Variants in TMED6 observed in about 807,000 individuals in gnomAD.
The protein encoded by TMED6 is transmembrane emp24 domain-containing protein 6.
A neutral mutation model predicts 26.5 loss-of-function variants in TMED6; 17 were observed. That is an observed-to-expected ratio of 0.64 (90% CI 0.44 to 0.96). TMED6 has a LOEUF of 0.96. TMED6 is among the 40% of genes least tolerant of loss of function. The pLI is 0.00. For missense variants in TMED6, 309 were observed against 296.5 expected, an observed-to-expected ratio of 1.04 and a Z score of -0.31; for synonymous variants, 107 against 106.2, an observed-to-expected ratio of 1.01 and a Z score of -0.04.
Position 69,343,545 on chromosome 16 carries a change from T to G in TMED6, c.585A>C (p.Gln195His). Reference protein sequence around the residue: ...MRKMADFFLIQSNYNYVNWWS... With the variant: ...MRKMADFFLIHSNYNYVNWWS... ...ACCAGTTCACGTAGTTATAGTTTGA[T>G]TGGATAAGGAAAAAGTCAGCCATTT... The change falls in exon 4 of 4, where the codon CAA becomes CAC. Residue 195 changes from glutamine (Q) to histidine (H), a missense_variant. Gln to His is a conservative substitution (Grantham distance 24, BLOSUM62 0). Transcript: ENST00000288025. The G allele has an allele frequency of 6.2e-7, 1 of 1,614,180 alleles. No homozygotes were observed. The highest frequency in any genetic ancestry group is 2.2e-5 in the East Asian group (1 of 44,882).
At chr16:69,349,030 A>G (rs1423062393) in intron 2 of TMED6, among the ~76,000 whole-genome samples, 1 of 152,218 alleles carries the variant, frequency 6.6e-6, no homozygotes, top group African/African-American at 2.4e-5. Context: ...GAGGGCAGTT[A>G]AGACACTGCT....
In TMED6 at chr16:69,343,285, T is replaced by C; in HGVS notation, c.*122A>G. On this transcript the variant is annotated 3_prime_UTR_variant, in exon 4 of 4. Transcript: ENST00000288025. ...TTATGATTTTATTGCCATTTTGCTT[T>C]TTTAGATGTGTGCAGCAGACTAAAA... The C allele has an allele frequency of 1.1e-6, 1 of 914,592 alleles. No individual in the cohort carries two copies. Among genetic ancestry groups the C allele is most frequent in the Non-Finnish European group, 1.6e-6 (1 of 616,388 alleles). 56.7% of individuals were successfully genotyped at this position (914,592 alleles called of 1,614,324 possible).
intron 1 of TMED6, 104 bp downstream of exon 1, chr16:69,351,437 G>T: frequency 9.5e-7 from 1 of 1,051,764 alleles, no homozygotes; most frequent in Non-Finnish European, 1.4e-6. Context: ...GGGAATCACA[G>T]CATAATAAAG....
At chr16:69,347,383 C>T (rs77901129) in intron 3 of TMED6, among the ~76,000 whole-genome samples, 3,935 of 152,264 alleles carry the variant, frequency 0.026, 70 homozygotes, top group Non-Finnish European at 0.038. Flanking sequence ...TATTTTGAGA[C>T]GGTGTCTTGC....
chr16:69,346,558 A>G (rs1161507271), intron 3 of TMED6, among the ~76,000 whole-genome samples: 3 of 152,078 alleles, frequency 2.0e-5, no homozygotes, highest in Admixed American at 1.3e-4. Context: ...GAGGTCAGGA[A>G]TTTGAGACCA....
rs796634605 is a variant in TMED6 at position 69,348,089 on chromosome 16, ACGGAC to A, written c.341-158_341-154del. 1.5e-5 allele frequency: 12 copies of A among 783,116 alleles called. No individual in the cohort carries two copies. In the African/African-American group the frequency reaches 2.1e-4, roughly 14 times the overall value. The allele number at this position is 783,116 out of a possible 1,614,324, so 48.5% of individuals were successfully genotyped here. ...AGATCCCGTTTTTGACATGGAAGACACGGACCTTATGTTAAACTTATACTAAATAT... is the reference window on the plus strand; with the variant it reads ...AGATCCCGTTTTTGACATGGAAGACACTTATGTTAAACTTATACTAAATAT... On this transcript the variant is annotated intron_variant, in intron 2 of 3. Coordinates refer to ENST00000288025, the MANE Select transcript of TMED6 (RefSeq NM_144676.4).
chr16:69,348,627 T>C (rs560479729), intron 2 of TMED6, among the ~76,000 whole-genome samples: 27 of 152,078 alleles, frequency 1.8e-4, no homozygotes, highest in African/African-American at 6.3e-4. Flanking sequence ...CAAGATCTTT[T>C]TTTTTTTTAG....
chr16:69,350,568 G>C (rs758565061), intron 1 of TMED6, among the ~76,000 whole-genome samples: 9 of 152,114 alleles, frequency 5.9e-5, no homozygotes, highest in Non-Finnish European at 1.3e-4. Context: ...CCAAAGTGCT[G>C]GGATGACAGA....
intron 3 of TMED6, among the ~76,000 whole-genome samples, chr16:69,345,818 A>T (rs1235445216): frequency 6.6e-6 from 1 of 151,912 alleles, no homozygotes; most frequent in East Asian, 1.9e-4. Context: ...TGGGACCACA[A>T]GTATGTGCCA....
chr16:69,346,838 A>C (rs2012694114), intron 3 of TMED6, among the ~76,000 whole-genome samples: 1 of 152,214 alleles, frequency 6.6e-6, no homozygotes, highest in Non-Finnish European at 1.5e-5. Flanking sequence ...GGCCAGCCAC[A>C]GTGGCTCAAA....
chr16:69,349,484 A>G, intron 2 of TMED6, 41 bp downstream of exon 2: 1 of 1,596,466 alleles, frequency 6.3e-7, no homozygotes, highest in Non-Finnish European at 8.6e-7. Context: ...ATTTCATAGG[A>G]CCCTATGATT....
At chr16:69,344,223 C>T (rs1478779463) in intron 3 of TMED6, among the ~76,000 whole-genome samples, 1 of 152,178 alleles carries the variant, frequency 6.6e-6, no homozygotes, top group Non-Finnish European at 1.5e-5. Context: ...CTCAGCATGT[C>T]GTTACCATTC....
chr16:69,351,038 T>TAAAAA (rs58107152), intron 1 of TMED6, among the ~76,000 whole-genome samples: 1 of 143,984 alleles, frequency 6.9e-6, no homozygotes, highest in Admixed American at 7.0e-5. Context: ...CTTACCGTCC[T>TAAAAA]AAAAAAAAAA....
intron 3 of TMED6, among the ~76,000 whole-genome samples, chr16:69,345,351 G>T (rs1006585441): frequency 6.6e-6 from 1 of 151,940 alleles, no homozygotes; most frequent in African/African-American, 2.4e-5. Flanking sequence ...TCTTAGGAGG[G>T]ATTTGTATCC....
At position 69,343,432 on chromosome 16, in the gene TMED6, G is replaced by C; in HGVS notation, c.698C>G (p.Thr233Arg). The stretch of plus-strand genomic sequence containing the variant: ...TTAGCATCTTGGCTTCTTTGTATCT[G>C]TAGTTGTTGGAACATTGAAGAGACG... ...LKRLFNVPTT[T>R]DTKKPRC Residue 233 changes from threonine to arginine, a missense_variant, in exon 4 of 4, where the codon ACA becomes AGA. By Grantham distance (71) the Thr-to-Arg change is moderately conservative (BLOSUM62 -1). Coordinates refer to ENST00000288025, the MANE Select transcript of TMED6 (RefSeq NM_144676.4). 2 of 1,614,178 alleles carry C rather than the reference G, an allele frequency of 1.2e-6. No individual in the cohort carries two copies. The highest frequency in any genetic ancestry group is 4.5e-5 in the East Asian group (2 of 44,882).
Position 69,351,725 on chromosome 16 carries a change from AG to A in TMED6, c.28del (p.Leu10TrpfsTer4), listed in dbSNP as rs2012780444. The A allele has an allele frequency of 6.2e-7, 1 of 1,613,374 alleles. No homozygotes were observed. Among genetic ancestry groups the A allele is most frequent in the Admixed American group, 1.7e-5 (1 of 59,962 alleles). On this transcript the variant is annotated frameshift_variant, in exon 1 of 4. Transcript: ENST00000288025. LOFTEE classifies it high-confidence loss of function. The stretch of plus-strand genomic sequence containing the variant: ...AGACGTCACTAGATTCAGAACGACC[AG>A]CCCAGCCCCAAAGAGCAAAGGGGAC... MSPLLFGAGLVVLNLVTSAR... is the reference protein window; with the variant it reads MSPLLFGAGXVVLNLVTSAR...
At position 69,343,549 on chromosome 16, in the gene TMED6, A is replaced by T. The variant is rs1307384659; in HGVS notation, c.581T>A (p.Ile194Asn). Reference protein sequence around the residue: ...RMRKMADFFLIQSNYNYVNWW... With the variant: ...RMRKMADFFLNQSNYNYVNWW... Reference sequence around the variant, plus strand: ...GTTCACGTAGTTATAGTTTGATTGGATAAGGAAAAAGTCAGCCATTTTCCT... The same window carrying T: ...GTTCACGTAGTTATAGTTTGATTGGTTAAGGAAAAAGTCAGCCATTTTCCT... Residue 194 changes from isoleucine (I) to asparagine (N), a missense_variant, in exon 4 of 4, where the codon ATC (isoleucine) becomes AAC (asparagine). By Grantham distance (149) the Ile-to-Asn change is moderately radical. Transcript: ENST00000288025. 3 of 1,614,188 alleles carry T rather than the reference A, an allele frequency of 1.9e-6. No homozygotes were observed. Among genetic ancestry groups the T allele is most frequent in the Admixed American group, 3.3e-5 (2 of 60,016 alleles).
intron 2 of TMED6, chr16:69,348,165 C>T: frequency 2.4e-6 from 1 of 421,530 alleles, no homozygotes; most frequent in South Asian, 3.9e-5. Flanking sequence ...TCTTTCCATA[C>T]TGGGTAGTGG....
rs151283199 is a variant in TMED6, at chr16:69,345,013, C to A, written c.490-1373G>T. On this transcript the variant is annotated intron_variant, in intron 3 of 3. Coordinates refer to ENST00000288025, the MANE Select transcript of TMED6 (RefSeq NM_144676.4). ...CTGAAGCATAAGAATCACTTGAACC[C>A]GGGAGGCGGAGGTTGCAGTGAGCCA... Among the ~76,000 whole-genome samples, 1,238 of 152,136 alleles carry A rather than the reference C, an allele frequency of 8.1e-3. 10 individuals are homozygous for A. Among genetic ancestry groups the A allele is most frequent in the Middle Eastern group, 0.02 (6 of 294 alleles).
Sources: allele counts gnomAD v4.1 joint callset (sites outside exome capture counted in the v4.1 genomes callset), GRCh38; gene constraint gnomAD v4.1.1; transcripts MANE v1.5; gene names NCBI Gene and HGNC (gene_info 2026-07-23, HGNC 2026-07-21).